OXR1: variants seen among roughly 807,000 people sequenced by gnomAD.
The protein encoded by OXR1 is oxidation resistance protein 1.
OXR1 carries 41 observed loss-of-function variants against 104.6 expected under a neutral mutation model. That is an observed-to-expected ratio of 0.39 (90% CI 0.31 to 0.51). The LOEUF (loss-of-function observed/expected upper bound fraction) is 0.51, where lower values mean the gene tolerates loss of function less well. Ranked by LOEUF, OXR1 falls within the 20% of genes least tolerant of loss-of-function variation. OXR1 has a pLI of 0.77. For synonymous variants in OXR1, 348 were observed against 348.4 expected (o/e 1.00, Z 0.01); for missense variants, 955 against 1,031.9 (o/e 0.93, Z 1.02).
At chr8:106,405,429 T>C (rs1452281360) in intron 2 of OXR1, among the ~76,000 whole-genome samples, 1 of 151,914 alleles carries the variant, frequency 6.6e-6, no homozygotes, top group Non-Finnish European at 1.5e-5. Context: ...ATCTCTTCTG[T>C]GAAAGGTGAA....
At chr8:106,723,988 G>T (rs2131476292) in intron 11 of OXR1, among the ~76,000 whole-genome samples, 1 of 151,408 alleles carries the variant, frequency 6.6e-6, no homozygotes. Context: ...GTCTTGCTGT[G>T]TTGCCCACGC....
chr8:106,628,340 T>C (rs1822353334), intron 3 of OXR1, among the ~76,000 whole-genome samples: 1 of 152,174 alleles, frequency 6.6e-6, no homozygotes. Flanking sequence ...AGGGAATTTA[T>C]ACATATTCTC....
At chr8:106,366,340 A>G (rs138774770) in intron 2 of OXR1, among the ~76,000 whole-genome samples, 96 of 152,330 alleles carry the variant, frequency 6.3e-4, no homozygotes, top group African/African-American at 2.2e-3. Flanking sequence ...CTTTAACATA[A>G]AACTGGGTAG....
At chr8:106,520,019 G>A (rs1813146103) in intron 3 of OXR1, among the ~76,000 whole-genome samples, 1 of 152,088 alleles carries the variant, frequency 6.6e-6, no homozygotes, top group Non-Finnish European at 1.5e-5. Flanking sequence ...CCCAAAAAGA[G>A]TGTGGCTGCT....
At chr8:106,319,618 C>T (rs750430178) in intron 1 of OXR1, among the ~76,000 whole-genome samples, 46 of 152,162 alleles carry the variant, frequency 3.0e-4, no homozygotes, top group Non-Finnish European at 1.0e-4. Flanking sequence ...CTTACCCTTT[C>T]AATGAGGAAA....
intron 3 of OXR1, among the ~76,000 whole-genome samples, chr8:106,534,953 GTTTT>G (rs377629189): frequency 6.6e-6 from 1 of 151,762 alleles, no homozygotes; most frequent in Non-Finnish European, 1.5e-5. Flanking sequence ...CTAGCACGAG[GTTTT>G]TTTTGTTTTG....
intron 1 of OXR1, among the ~76,000 whole-genome samples, chr8:106,327,310 T>C (rs1814509330): frequency 6.6e-6 from 1 of 152,240 alleles, no homozygotes; most frequent in Non-Finnish European, 1.5e-5. Context: ...TTTTTGTTCC[T>C]GCTCTTTGAT....
intron 2 of OXR1, among the ~76,000 whole-genome samples, chr8:106,483,756 A>C (rs185329804): frequency 4.5e-4 from 68 of 152,166 alleles, no homozygotes; most frequent in Non-Finnish European, 8.2e-4. Flanking sequence ...AAGCCCACAG[A>C]GTTGAGGAAC....
At chr8:106,307,947 G>C (rs1008125593) in intron 1 of OXR1, among the ~76,000 whole-genome samples, 1 of 151,704 alleles carries the variant, frequency 6.6e-6, no homozygotes, top group Non-Finnish European at 1.5e-5. Flanking sequence ...GATTTTCAGA[G>C]AAATGAAACC....
At chr8:106,706,338 A>G in intron 8 of OXR1, 44 bp from the exon 9 acceptor site, 1 of 1,418,278 alleles carries the variant, frequency 7.1e-7, no homozygotes, top group Non-Finnish European at 9.5e-7. Flanking sequence ...GTAAAATACC[A>G]CAATTTTAAA....
rs536394029 is a variant in OXR1, at chr8:106,567,051, G to A, written c.220+47912G>A. On this transcript the variant is annotated intron_variant, in intron 3 of 16. Transcript: ENST00000517566. ...AATAGGTGCCGCAAACCACCATGCC[G>A]CTTGTATACCTATGTAAAAAACCTG... Among the ~76,000 whole-genome samples the A allele has an allele frequency of 1.2e-3, 186 of 152,046 alleles. 1 individual carries two copies. The highest frequency in any genetic ancestry group is 2.0e-3 in the Non-Finnish European group (138 of 67,956).
intron 2 of OXR1, among the ~76,000 whole-genome samples, chr8:106,428,084 T>C (rs1819205165): frequency 6.6e-6 from 1 of 152,202 alleles, no homozygotes; most frequent in Non-Finnish European, 1.5e-5. Flanking sequence ...ATTGGAAGCA[T>C]AGTTATAAGC....
chr8:106,591,485 G>C (rs928588828), intron 3 of OXR1, among the ~76,000 whole-genome samples: 6 of 151,636 alleles, frequency 4.0e-5, no homozygotes, highest in Admixed American at 3.9e-4. Context: ...GAAACAAGGG[G>C]AAAGGAGGAA....
chr8:106,619,062 A>T lies in OXR1; in HGVS notation c.221-60148A>T, dbSNP rs968330621. On this transcript the variant is annotated intron_variant, in intron 3 of 16. Coordinates refer to ENST00000517566, the MANE Select transcript of OXR1 (RefSeq NM_001198533.2). ...AATTCATTATTGACTTTAAAAAATG[A>T]AATTGCTCTGCATTATTATTTATTT... Among the ~76,000 whole-genome samples the T allele has an allele frequency of 2.0e-5, 3 of 152,188 alleles. No homozygotes were observed. In the East Asian group the frequency reaches 5.8e-4, roughly 29 times the overall value.
chr8:106,434,711 T>A (rs4437620), intron 2 of OXR1, among the ~76,000 whole-genome samples: 33,809 of 152,148 alleles, frequency 0.22, 5,152 homozygotes, highest in East Asian at 0.42. Flanking sequence ...TCTACATTTA[T>A]CTGTGCTAAG....
chr8:106,616,763 C>T (rs1821273868), intron 3 of OXR1, among the ~76,000 whole-genome samples: 1 of 152,170 alleles, frequency 6.6e-6, no homozygotes, highest in African/African-American at 2.4e-5. Flanking sequence ...ATTGTCACTT[C>T]ATCACCTTGT....
chr8:106,294,412 A>AAAAAAAAAAG (rs71307051), intron 1 of OXR1, among the ~76,000 whole-genome samples: 58 of 131,444 alleles, frequency 4.4e-4, no homozygotes, highest in African/African-American at 1.2e-3. Flanking sequence ...AAAAAAAAAA[A>AAAAAAAAAAG]AAAGAAAGAA....
chr8:106,618,282 T>C, intron 3 of OXR1: 1 of 958,506 alleles, frequency 1.0e-6, no homozygotes. Flanking sequence ...ATTTTCAAAG[T>C]CCAGATGAGC....
intron 2 of OXR1, among the ~76,000 whole-genome samples, chr8:106,482,901 A>G (rs1246838648): frequency 6.6e-6 from 1 of 151,998 alleles, no homozygotes; most frequent in East Asian, 1.9e-4. Flanking sequence ...ACCAGATATC[A>G]TTTCCTAAAC....
Sources: allele counts gnomAD v4.1 joint callset (sites outside exome capture counted in the v4.1 genomes callset), GRCh38; gene constraint gnomAD v4.1.1; transcripts MANE v1.5; gene names NCBI Gene and HGNC (gene_info 2026-07-23, HGNC 2026-07-21).